The following PABPC1L variants were observed in gnomAD, a reference collection of about 807,000 sequenced individuals.
The protein encoded by PABPC1L is polyadenylate-binding protein 1-like.
Under a neutral mutation model 66.6 loss-of-function variants are expected in PABPC1L, and 31 were observed. The observed-to-expected ratio is 0.47, with a 90% CI of 0.35 to 0.63. The LOEUF is 0.63. Among genes scored for constraint, PABPC1L ranks in the 20% least tolerant of loss-of-function variants. The probability of loss-of-function intolerance (pLI) is 0.00; values close to 1 mark genes in which losing one functional copy is unlikely to be tolerated. For synonymous variants in PABPC1L, 348 were observed against 335.1 expected, an observed-to-expected ratio of 1.04 and a Z score of -0.42; for missense variants, 722 against 848.8, an observed-to-expected ratio of 0.85 and a Z score of 1.86.
intron 8 of PABPC1L, chr20:44,932,130 G>T: frequency 5.1e-6 from 2 of 394,564 alleles, no homozygotes; most frequent in East Asian, 3.8e-5. Context: ...AGGGAGCCAA[G>T]ATTGAAATCT....
In PABPC1L at chr20:44,937,987, C is replaced by T. The variant is rs142229129; in HGVS notation, c.1661-74C>T. On this transcript the variant is annotated intron_variant, in intron 12 of 14. Coordinates refer to ENST00000217073, the MANE Select transcript of PABPC1L (RefSeq NM_001372179.1). ...AAGAACCCAGATGTCCTCAGTGCTC[C>T]ACTCCATACGAGCCCTGGGATGCTG... is the stretch of plus-strand genomic sequence containing the variant. 945 of 1,598,456 alleles carry T rather than the reference C, an allele frequency of 5.9e-4. 14 individuals carry two copies. The East Asian group carries it at 0.013, about 23-fold the overall frequency.
At chr20:44,912,209 T>A (rs1218427375) in intron 1 of PABPC1L, among the ~76,000 whole-genome samples, 1 of 152,188 alleles carries the variant, frequency 6.6e-6, no homozygotes, top group Non-Finnish European at 1.5e-5. Flanking sequence ...GCTTGAGATC[T>A]AACCTCAGCT....
At position 44,910,130 on chromosome 20, in the gene PABPC1L, G is replaced by C; in HGVS notation, c.-14G>C. ...GGCTCCTGCTTGCCCCGCAGCCCCG[G>C]CCCCCTGCCCACCATGAACGCCAGC... On this transcript the variant is annotated 5_prime_UTR_variant, in exon 1 of 15. Transcript: ENST00000217073. The C allele has an allele frequency of 6.5e-7, 1 of 1,546,940 alleles. No individual in the cohort carries two copies. Among genetic ancestry groups the C allele is most frequent in the Non-Finnish European group, 8.7e-7 (1 of 1,145,098 alleles).
In PABPC1L at chr20:44,935,539, G is replaced by T. The variant is rs780752888; in HGVS notation, c.1566+42G>T. ...TGCCTGCTCTTAGCCTGGGCTCCTGGCCGCCTGGCTCAGAACCTTAGCTAA... is the reference window on the plus strand; with the variant it reads ...TGCCTGCTCTTAGCCTGGGCTCCTGTCCGCCTGGCTCAGAACCTTAGCTAA... On this transcript the variant is annotated intron_variant, in intron 11 of 14. Transcript: ENST00000217073. 21 of 1,565,996 alleles carry T rather than the reference G, an allele frequency of 1.3e-5. No individual in the cohort carries two copies. In the South Asian group the frequency reaches 2.1e-4, roughly 16 times the overall value.
intron 10 of PABPC1L, among the ~76,000 whole-genome samples, chr20:44,934,616 C>T (rs1025441291): frequency 1.3e-5 from 2 of 152,208 alleles, no homozygotes; most frequent in African/African-American, 4.8e-5. Flanking sequence ...TTTTACTTTA[C>T]ATGTCTCAGG....
chr20:44,932,493 G>T, intron 9 of PABPC1L, 61 bp downstream of exon 9: 2 of 1,455,132 alleles, frequency 1.4e-6, no homozygotes, highest in East Asian at 2.3e-5. Context: ...CCGTGAGGCA[G>T]TCATAACACA....
At chr20:44,932,778 A>G (rs1418452606) in intron 9 of PABPC1L, 2 of 500,816 alleles carry the variant, frequency 4.0e-6, no homozygotes, top group African/African-American at 3.8e-5. Flanking sequence ...TTGCACGCTC[A>G]CTTGAAACTA....
intron 7 of PABPC1L, among the ~76,000 whole-genome samples, chr20:44,924,752 G>A (rs1157703220): frequency 6.6e-6 from 1 of 152,192 alleles, no homozygotes; most frequent in African/African-American, 2.4e-5. Context: ...AGCTCTATGA[G>A]CTTTAGCAGA....
chr20:44,921,450 A>T, intron 5 of PABPC1L, 144 bp from the exon 6 acceptor site: 1 of 1,214,610 alleles, frequency 8.2e-7, no homozygotes, highest in Non-Finnish European at 1.1e-6. Flanking sequence ...GGGTATACTT[A>T]AATGGCCTTT....
At position 44,930,608 on chromosome 20, in the gene PABPC1L, G is replaced by T. The variant is rs745323605; in HGVS notation, c.1121G>T (p.Arg374Leu). Residue 374 changes from arginine to leucine, a missense_variant, in exon 8 of 15, where the codon CGG (arginine) becomes CTG (leucine). Arg to Leu is a moderately radical substitution (Grantham distance 102). Coordinates refer to ENST00000217073, the MANE Select transcript of PABPC1L (RefSeq NM_001372179.1). ...GCACTGGCCCAGCGCAAAGAGGAGCGGAAGGCCATCTTGACCAACCAGTAC... is the reference window on the plus strand; with the variant it reads ...GCACTGGCCCAGCGCAAAGAGGAGCTGAAGGCCATCTTGACCAACCAGTAC... ...YVALAQRKEE[R>L]KAILTNQYMQ... The T allele has an allele frequency of 6.2e-7, 1 of 1,614,138 alleles. No individual in the cohort carries two copies. Among genetic ancestry groups the T allele is most frequent in the African/African-American group, 1.3e-5 (1 of 74,950 alleles).
intron 7 of PABPC1L, among the ~76,000 whole-genome samples, chr20:44,927,014 C>T (rs527496378): frequency 6.6e-6 from 1 of 151,098 alleles, no homozygotes; most frequent in Non-Finnish European, 1.5e-5. Context: ...TAGCTGGGAC[C>T]ACAGGCATGT....
At chr20:44,919,343 C>A in intron 5 of PABPC1L, 66 bp downstream of exon 5, 3 of 1,545,476 alleles carry the variant, frequency 1.9e-6, no homozygotes, top group Middle Eastern at 1.8e-4. Flanking sequence ...AAGAGGGTCC[C>A]AGCTGCCTGT....
At chr20:44,912,578 A>T in intron 1 of PABPC1L, 82 bp from the exon 2 acceptor site, 2 of 1,221,140 alleles carry the variant, frequency 1.6e-6, no homozygotes, top group Non-Finnish European at 2.3e-6. Flanking sequence ...ATTGGCTCCC[A>T]GTTAAGCACC....
At chr20:44,916,358 C>T (rs758309992) in intron 2 of PABPC1L, among the ~76,000 whole-genome samples, 17 of 152,182 alleles carry the variant, frequency 1.1e-4, no homozygotes, top group South Asian at 4.1e-4. Flanking sequence ...CCGCAACCTC[C>T]GCCTCCTCGG....
chr20:44,912,886 A>T (rs1433937185), intron 2 of PABPC1L, 33 bp downstream of exon 2: 2 of 1,559,254 alleles, frequency 1.3e-6, no homozygotes, highest in South Asian at 2.3e-5. Context: ...CTTTGGGTAG[A>T]TCGGTGTCAA....
chr20:44,937,468 G>A (rs571084074), intron 12 of PABPC1L, among the ~76,000 whole-genome samples: 1 of 151,816 alleles, frequency 6.6e-6, no homozygotes, highest in Non-Finnish European at 1.5e-5. Context: ...CGGCTGGAGT[G>A]CAGTGGCACG....
At chr20:44,910,371 C>A in intron 1 of PABPC1L, 35 bp downstream of exon 1, 1 of 1,448,138 alleles carries the variant, frequency 6.9e-7, no homozygotes, top group Non-Finnish European at 9.1e-7. Context: ...GGGGAAGGAC[C>A]GACGGACAAG....
chr20:44,930,206 G>A (rs973829596), intron 7 of PABPC1L, among the ~76,000 whole-genome samples: 3 of 152,066 alleles, frequency 2.0e-5, no homozygotes, highest in African/African-American at 7.2e-5. Context: ...CAGGGTGCAC[G>A]CTACATCCCT....
chr20:44,939,314 C>A lies in PABPC1L; in HGVS notation c.*195C>A. On this transcript the variant is annotated 3_prime_UTR_variant, in exon 15 of 15. Coordinates refer to ENST00000217073, the MANE Select transcript of PABPC1L (RefSeq NM_001372179.1). Reference sequence around the variant, plus strand: ...TTGTGTATTAAAAGTGCTGCAAAATCTGCCTTGCCTCCCAGGAGGCCCTTT... The same window carrying A: ...TTGTGTATTAAAAGTGCTGCAAAATATGCCTTGCCTCCCAGGAGGCCCTTT... 1 of 683,344 alleles carries A rather than the reference C, an allele frequency of 1.5e-6. No individual in the cohort carries two copies. Among genetic ancestry groups the A allele is most frequent in the Non-Finnish European group, 2.7e-6 (1 of 370,190 alleles). The allele number at this position is 683,344 out of a possible 1,614,324, so 42.3% of individuals were successfully genotyped here. A position where few individuals can be genotyped will look rare whatever the true frequency, so the allele number is the denominator to read the frequency against.
Sources: gnomAD v4.1 joint callset for allele counts (sites outside exome capture counted in the v4.1 genomes callset) on GRCh38, gnomAD v4.1.1 for gene constraint, MANE v1.5 for transcripts, NCBI Gene and HGNC (gene_info 2026-07-23, HGNC 2026-07-21) for gene names.